Variants in GPM6A observed in about 807,000 individuals in gnomAD.
GPM6A encodes the protein glycoprotein M6A, also known as neuronal membrane glycoprotein M6-a.
Under a neutral mutation model 32.1 loss-of-function variants are expected in GPM6A, and 7 were observed. That is an observed-to-expected ratio of 0.22 (90% CI 0.12 to 0.41). GPM6A has a LOEUF of 0.41. Ranked by LOEUF, GPM6A falls within the 10% of genes least tolerant of loss-of-function variation. The pLI, the probability that GPM6A is intolerant of heterozygous loss-of-function variation, is 1.00. For synonymous variants in GPM6A, 130 were observed against 123.4 expected (o/e 1.05, Z -0.35); for missense variants, 235 against 347.2 (o/e 0.68, Z 2.57).
rs149053795 is a variant in GPM6A, at chr4:175,998,706, A to G, written c.-23+3603T>C. The stretch of plus-strand genomic sequence containing the variant: ...TTGCTCTCCGGTTCCACTGGCTTAG[A>G]CATGTATCATATTCTATTATTATCA... On this transcript the variant is annotated intron_variant, in intron 1 of 7. Coordinates refer to the GPM6A transcript ENST00000280187. Among the ~76,000 whole-genome samples, 1,115 of 152,268 alleles carry G rather than the reference A, an allele frequency of 7.3e-3. 5 individuals are homozygous for G. The highest frequency in any genetic ancestry group is 0.011 in the Non-Finnish European group (780 of 68,026).
chr4:175,872,506 A>G (rs1461612295), intron 1 of GPM6A, among the ~76,000 whole-genome samples: 1 of 152,244 alleles, frequency 6.6e-6, no homozygotes. Context: ...AGGCAAAGAA[A>G]GAAATTAAGA....
chr4:175,817,146 C>T (rs755031502), upstream of GPM6A, among the ~76,000 whole-genome samples: 52 of 152,212 alleles, frequency 3.4e-4, 1 homozygote, highest in Non-Finnish European at 1.2e-4. Flanking sequence ...GCGTGAGCCA[C>T]CGCCCCGCGG....
chr4:175,864,025 C>T (rs935621048), intron 1 of GPM6A, among the ~76,000 whole-genome samples: 3 of 152,024 alleles, frequency 2.0e-5, no homozygotes, highest in African/African-American at 7.2e-5. Context: ...AAAAAAATTC[C>T]ATTTTATCAA....
At chr4:175,816,058 G>A (rs1735090614), upstream of GPM6A, among the ~76,000 whole-genome samples, 1 of 152,136 alleles carries the variant, frequency 6.6e-6, no homozygotes, top group South Asian at 2.1e-4. Flanking sequence ...AACCATGGTG[G>A]TGCACACCTA....
intron 1 of GPM6A, among the ~76,000 whole-genome samples, chr4:175,915,910 T>C (rs1358780148): frequency 6.6e-6 from 1 of 152,238 alleles, no homozygotes; most frequent in Admixed American, 6.5e-5. Context: ...ACCTTACATT[T>C]GTCATCCTCT....
chr4:175,782,322 C>G (rs1437473597), intron 1 of GPM6A, among the ~76,000 whole-genome samples: 1 of 152,044 alleles, frequency 6.6e-6, no homozygotes, highest in Non-Finnish European at 1.5e-5. Flanking sequence ...TGGAATATCA[C>G]GTCATCTACT....
chr4:175,648,544 C>T (rs1375732682), intron 4 of GPM6A, among the ~76,000 whole-genome samples: 2 of 152,134 alleles, frequency 1.3e-5, no homozygotes, highest in Non-Finnish European at 2.9e-5. Context: ...AACAGATTGT[C>T]ATAAATGTAG....
At chr4:175,892,646 C>T (rs1407065593) in intron 1 of GPM6A, among the ~76,000 whole-genome samples, 2 of 152,204 alleles carry the variant, frequency 1.3e-5, no homozygotes, top group East Asian at 3.8e-4. Context: ...CTCTTCCTCC[C>T]ATCCCCTCTG....
chr4:175,809,014 G>T (rs1734807949), intron 1 of GPM6A, among the ~76,000 whole-genome samples: 1 of 152,058 alleles, frequency 6.6e-6, no homozygotes, highest in South Asian at 2.1e-4. Flanking sequence ...GCCTTCCTCT[G>T]TAAAGCCCTC....
intron 1 of GPM6A, among the ~76,000 whole-genome samples, chr4:175,853,296 G>C (rs556253862): frequency 8.2e-4 from 124 of 152,020 alleles, no homozygotes; most frequent in African/African-American, 2.9e-3. Flanking sequence ...TTTTTGGCAT[G>C]ATATCAAAAA....
chr4:175,914,789 T>A (rs1738438179), intron 1 of GPM6A, among the ~76,000 whole-genome samples: 1 of 152,106 alleles, frequency 6.6e-6, no homozygotes, highest in Admixed American at 6.5e-5. Context: ...CAGCTATCTG[T>A]TTAAGAACAA....
At chr4:175,822,768 G>A (rs573909504) in intron 1 of GPM6A, among the ~76,000 whole-genome samples, 5 of 151,572 alleles carry the variant, frequency 3.3e-5, no homozygotes, top group Admixed American at 6.6e-5. Context: ...CTATCAACTC[G>A]TCATCTAGGC....
chr4:175,903,285 GA>G (rs11368050), intron 1 of GPM6A, among the ~76,000 whole-genome samples: 107,083 of 151,254 alleles, frequency 0.71, 38,063 homozygotes, highest in Non-Finnish European at 0.73. Context: ...GTAATTCATT[GA>G]AAAAAAAAGA....
chr4:175,823,620 G>T (rs1000614914), intron 1 of GPM6A, among the ~76,000 whole-genome samples: 1 of 152,168 alleles, frequency 6.6e-6, no homozygotes, highest in African/African-American at 2.4e-5. Context: ...TGAAAAAGCT[G>T]ATTACACTAT....
intron 1 of GPM6A, among the ~76,000 whole-genome samples, chr4:175,732,927 G>A (rs1044442972): frequency 3.3e-5 from 5 of 152,114 alleles, no homozygotes; most frequent in Non-Finnish European, 7.4e-5. Context: ...AGGAAACTGA[G>A]ACATAGAATA....
chr4:175,683,310 G>A (rs1008904450), intron 2 of GPM6A, among the ~76,000 whole-genome samples: 1 of 152,122 alleles, frequency 6.6e-6, no homozygotes, highest in Non-Finnish European at 1.5e-5. Context: ...TGTCTCCATT[G>A]TATCTTGGAA....
intron 1 of GPM6A, among the ~76,000 whole-genome samples, chr4:175,924,713 G>T (rs115514913): frequency 6.6e-6 from 1 of 151,800 alleles, no homozygotes; most frequent in African/African-American, 2.4e-5. Context: ...GGTGACCCAC[G>T]CCTGTAATTC....
At chr4:175,776,402 C>G (rs1218681901) in intron 1 of GPM6A, among the ~76,000 whole-genome samples, 2 of 152,060 alleles carry the variant, frequency 1.3e-5, no homozygotes, top group Non-Finnish European at 2.9e-5. Context: ...ACGTGAGGAA[C>G]GGAATCAGGA....
At chr4:175,770,891 G>A (rs1049447205) in intron 1 of GPM6A, among the ~76,000 whole-genome samples, 20 of 152,256 alleles carry the variant, frequency 1.3e-4, no homozygotes, top group Admixed American at 6.5e-4. Context: ...CTGCCAACAT[G>A]ATTACTTCAT....
Sources: gnomAD v4.1 joint callset for allele counts (sites outside exome capture counted in the v4.1 genomes callset) on GRCh38, gnomAD v4.1.1 for gene constraint, MANE v1.5 for transcripts, NCBI Gene and HGNC (gene_info 2026-07-23, HGNC 2026-07-21) for gene names.